Variants in TRIM72 observed in about 807,000 individuals in gnomAD.
TRIM72 encodes tripartite motif containing 72, also known as tripartite motif-containing protein 72.
TRIM72 carries 33 observed loss-of-function variants against 31.6 expected under a neutral mutation model. The observed-to-expected ratio is 1.04, with a 90% CI of 0.79 to 1.40. The LOEUF (loss-of-function observed/expected upper bound fraction) is 1.40. TRIM72 is among the 40% of genes most tolerant of loss of function. The pLI, the probability that TRIM72 is intolerant of heterozygous loss-of-function variation, is 0.00. For missense variants in TRIM72, 666 were observed against 682.7 expected (o/e 0.98, Z 0.27); for synonymous variants, 301 against 314.4 (o/e 0.96, Z 0.45).
chr16:31,223,125 G>A (rs1176621923), intron 6 of TRIM72, among the ~76,000 whole-genome samples, 180 bp downstream of exon 6: 3 of 152,188 alleles, frequency 2.0e-5, no homozygotes, highest in Admixed American at 6.5e-5. Context: ...GGGCCTTTGA[G>A]AGCATGGGGT....
intron 1 of TRIM72, 74 bp from the exon 2 acceptor site, chr16:31,214,658 G>C: frequency 7.2e-7 from 1 of 1,386,078 alleles, no homozygotes; most frequent in Non-Finnish European, 9.3e-7. Flanking sequence ...CCCGGCCTGG[G>C]CTAGGGCTGG....
chr16:31,214,788 G>A lies in TRIM72; in HGVS notation c.50G>A (p.Cys17Tyr). ...LLHQELSCPLCLQLFDAPVTA... is the reference protein window; with the variant it reads ...LLHQELSCPLYLQLFDAPVTA... ...CACCAGGAGCTGTCCTGCCCGCTGT[G>A]CCTGCAGCTGTTCGACGCGCCCGTG... Residue 17 changes from cysteine to tyrosine, a missense_variant, in exon 2 of 7, where the codon TGC becomes TAC. Cys to Tyr is a radical substitution (Grantham distance 194, BLOSUM62 -2). Coordinates refer to ENST00000322122, the MANE Select transcript of TRIM72 (RefSeq NM_001008274.4). 1.3e-6 allele frequency: 2 copies of A among 1,582,322 alleles called. No individual in the cohort carries two copies. Among genetic ancestry groups the A allele is most frequent in the South Asian group, 1.1e-5 (1 of 89,114 alleles).
At position 31,224,570 on chromosome 16, in the gene TRIM72, C is replaced by A. The variant is rs749928208; in HGVS notation, c.1249C>A (p.Leu417Met). ...GCGGCCCACGCGCATTGGCCTTTAC[C>A]TGAGCTTCGGCGACGGCGTCCTCTC... ...ERRPTRIGLY[L>M]SFGDGVLSFY... Residue 417 changes from leucine (L) to methionine (M), a missense_variant, in exon 7 of 7, where the codon CTG becomes ATG. Coordinates refer to ENST00000322122, the MANE Select transcript of TRIM72 (RefSeq NM_001008274.4). The A allele has an allele frequency of 1.0e-5, 16 of 1,549,588 alleles. No individual in the cohort carries two copies. In the South Asian group the frequency reaches 1.8e-4, roughly 17 times the overall value.
In TRIM72 at chr16:31,224,379, A is replaced by G. The variant is rs1207089367; in HGVS notation, c.1058A>G (p.Asp353Gly). 3 of 1,493,954 alleles carry G rather than the reference A, an allele frequency of 2.0e-6. No homozygotes were observed. The highest frequency in any genetic ancestry group is 1.8e-6 in the Non-Finnish European group (2 of 1,131,062). 92.5% of individuals were successfully genotyped at this position (1,493,954 alleles called of 1,614,324 possible). ...GEHYWEVDVG[D>G]KPRWALGVIA... ...CACTACTGGGAGGTGGATGTTGGCG[A>G]CAAGCCGCGCTGGGCGCTGGGCGTG... is the stretch of plus-strand genomic sequence containing the variant. Residue 353 changes from aspartate (D) to glycine (G), a missense_variant, in exon 7 of 7, where the codon GAC (aspartate) becomes GGC (glycine). Asp to Gly is a moderately conservative substitution (Grantham distance 94). Transcript: ENST00000322122.
Position 31,219,962 on chromosome 16 carries a change from A to G in TRIM72, c.717+443A>G, listed in dbSNP as rs1044894896. 4.0e-5 allele frequency among the ~76,000 whole-genome samples: 6 copies of G among 151,868 alleles called. No homozygotes were observed. Among genetic ancestry groups the G allele is most frequent in the African/African-American group, 1.5e-4 (6 of 41,332 alleles). On this transcript the variant is annotated intron_variant, in intron 4 of 6. Coordinates refer to ENST00000322122, the MANE Select transcript of TRIM72 (RefSeq NM_001008274.4). The surrounding 1 kb of genome is among the most constrained non-coding windows in gnomAD (Gnocchi z 4.2). ...TATTTTTCAGTAGAGACAGGGTTTC[A>G]CCGTGTTAGCCAGGATGGTCTTGAT...
chr16:31,224,596 CT>C lies in TRIM72; in HGVS notation c.1277del (p.Phe426SerfsTer58). The C allele has an allele frequency of 6.4e-7, 1 of 1,556,018 alleles. No individual in the cohort carries two copies. The highest frequency in any genetic ancestry group is 8.6e-7 in the Non-Finnish European group (1 of 1,156,364). On this transcript the variant is annotated frameshift_variant, in exon 7 of 7. Transcript: ENST00000322122. LOFTEE classifies it high-confidence loss of function. ...TGAGCTTCGGCGACGGCGTCCTCTC[CT>C]TCTACGATGCCAGCGACGCCGACGC... ...YLSFGDGVLS[F>X]YDASDADALV... is the part of the protein sequence containing the mutation.
chr16:31,222,488 T>TTTTTTC (rs2144197282), intron 5 of TRIM72, among the ~76,000 whole-genome samples: 1 of 146,306 alleles, frequency 6.8e-6, no homozygotes, highest in South Asian at 2.2e-4. Context: ...TCTTCTTTTT[T>TTTTTTC]TTTTTTTTTT....
chr16:31,216,919 T>C lies in TRIM72; in HGVS notation c.390+1791T>C, dbSNP rs865966029. On this transcript the variant is annotated intron_variant, in intron 2 of 6. Coordinates refer to ENST00000322122, the MANE Select transcript of TRIM72 (RefSeq NM_001008274.4). The surrounding 1 kb of genome is among the most constrained non-coding windows in gnomAD (Gnocchi z 6.7). ...CCCGAGCGCGCCCCGCGGGATGCGC[T>C]CAAAGCCCTCGCGCAGCGGCACCGT... 1.2e-6 allele frequency: 2 copies of C among 1,614,102 alleles called. No homozygotes were observed. The highest frequency in any genetic ancestry group is 2.7e-5 in the African/African-American group (2 of 75,082).
chr16:31,222,870 G>A lies in TRIM72; in HGVS notation c.784G>A (p.Asp262Asn), dbSNP rs764288374. 4.5e-5 allele frequency: 69 copies of A among 1,547,788 alleles called. No individual in the cohort carries two copies. Among genetic ancestry groups the A allele is most frequent in the Non-Finnish European group, 5.7e-5 (66 of 1,154,254 alleles). The change falls in exon 6 of 7, where the codon GAC becomes AAC. Residue 262 changes from aspartate (D) to asparagine (N), a missense_variant. Coordinates refer to ENST00000322122, the MANE Select transcript of TRIM72 (RefSeq NM_001008274.4). ...LAESPPPARL[D>N]IQLPIISDDF... ...AGAGTCTCCCCCACCCGCCCGTCTG[G>A]ACATCCAGCTGCCAATTATCTCAGA...
At chr16:31,222,672 C>T (rs981444474) in intron 5 of TRIM72, among the ~76,000 whole-genome samples, 155 bp from the exon 6 acceptor site, 1 of 151,892 alleles carries the variant, frequency 6.6e-6, no homozygotes, top group African/African-American at 2.4e-5. Flanking sequence ...GTACAACCAT[C>T]ACCAGTGTTT....
chr16:31,222,881 G>A lies in TRIM72; in HGVS notation c.795G>A (p.Leu265=). Residue 265 remains leucine (L), a synonymous_variant, in exon 6 of 7, where the codon CTG becomes CTA. Transcript: ENST00000322122. ...CACCCGCCCGTCTGGACATCCAGCT[G>A]CCAATTATCTCAGATGACTTCAAAT... The part of the protein sequence containing the change: ...SPPPARLDIQ[L]PIISDDFKFQ... The A allele has an allele frequency of 6.5e-7, 1 of 1,548,914 alleles. No homozygotes were observed. The highest frequency in any genetic ancestry group is 1.2e-5 in the South Asian group (1 of 82,612).
intron 2 of TRIM72, chr16:31,217,362 C>A: frequency 3.5e-6 from 1 of 283,108 alleles, no homozygotes; most frequent in Non-Finnish European, 6.7e-6. Context: ...GGCTTTGTAG[C>A]CTGGCATGGT....
At position 31,231,257 on chromosome 16, in the gene TRIM72, C is replaced by G. The variant is rs1020929514; in HGVS notation, c.*6502C>G. ...GCCAGGATGGTCTCCATCTCCTGAC[C>G]TCGTGATCCGCCCGCCTCGGCCTCC... On this transcript the variant is annotated 3_prime_UTR_variant, in exon 7 of 7. Coordinates refer to ENST00000322122, the MANE Select transcript of TRIM72 (RefSeq NM_001008274.4). 6.6e-6 allele frequency: 1 copy of G among 152,076 alleles called. No individual in the cohort carries two copies. Among genetic ancestry groups the G allele is most frequent in the Non-Finnish European group, 1.5e-5 (1 of 68,054 alleles). The allele number at this position is 152,076 out of a possible 1,614,324, so 9.4% of individuals were successfully genotyped here. A position where few individuals can be genotyped will look rare whatever the true frequency, so the allele number is the denominator to read the frequency against.
intron 6 of TRIM72, among the ~76,000 whole-genome samples, chr16:31,223,871 G>T (rs1264852276): frequency 1.3e-5 from 2 of 151,948 alleles, no homozygotes. Context: ...TTGCACCTGC[G>T]CTCCAGCCTG....
At chr16:31,222,790 C>A (rs769778312) in intron 5 of TRIM72, 37 bp from the exon 6 acceptor site, 58 of 724,960 alleles carry the variant, frequency 8.0e-5, no homozygotes, top group Non-Finnish European at 1.1e-4. Flanking sequence ...TGTCCTCCCC[C>A]CTCACACATG....
chr16:31,218,706 G>T (rs1350814593), intron 2 of TRIM72, among the ~76,000 whole-genome samples: 1 of 151,834 alleles, frequency 6.6e-6, no homozygotes, highest in East Asian at 1.9e-4. Flanking sequence ...CAGAAAATTT[G>T]CTGGGCACGG....
At position 31,227,795 on chromosome 16, in the gene TRIM72, AT is replaced by A; in HGVS notation, c.*3046del. The A allele has an allele frequency of 6.6e-6, 1 of 151,594 alleles. No homozygotes were observed. Among genetic ancestry groups the A allele is most frequent in the East Asian group, 1.9e-4 (1 of 5,142 alleles). 9.4% of individuals were successfully genotyped at this position (151,594 alleles called of 1,614,324 possible). On this transcript the variant is annotated 3_prime_UTR_variant, in exon 7 of 7. Coordinates refer to ENST00000322122, the MANE Select transcript of TRIM72 (RefSeq NM_001008274.4). ...CAGGCACCCATCACCATGCCTGACTATTTTTTATTTTTTGTATTTTGGTAGA... is the reference window on the plus strand; with the variant it reads ...CAGGCACCCATCACCATGCCTGACTATTTTTATTTTTTGTATTTTGGTAGA...
At chr16:31,217,865 G>C (rs1260199079) in intron 2 of TRIM72, among the ~76,000 whole-genome samples, 1 of 151,984 alleles carries the variant, frequency 6.6e-6, no homozygotes, top group Non-Finnish European at 1.5e-5. Flanking sequence ...CACCCGCCCT[G>C]GCCTCCCAAA....
In TRIM72 at chr16:31,219,390, T is replaced by A. The variant is rs769775802; in HGVS notation, c.588T>A (p.Arg196=). 6.2e-7 allele frequency: 1 copy of A among 1,613,960 alleles called. No individual in the cohort carries two copies. Among genetic ancestry groups the A allele is most frequent in the Non-Finnish European group, 8.5e-7 (1 of 1,179,962 alleles). ...LEGSLDREAE[R]VRGEAGVALR... ...GCTCCTTGGACCGCGAGGCAGAGCG[T>A]GTACGGGGTGAGGCAGGGGTCGCCT... Residue 196 remains arginine, a synonymous_variant, in exon 4 of 7, where the codon CGT becomes CGA. Transcript: ENST00000322122. The surrounding 1 kb of genome is among the most constrained non-coding windows in gnomAD (Gnocchi z 4.2).
Sources: gnomAD v4.1 joint callset for allele counts (sites outside exome capture counted in the v4.1 genomes callset) on GRCh38, gnomAD v4.1.1 for gene constraint, Gnocchi (gnomAD v3.1) non-coding constraint, MANE v1.5 for transcripts, NCBI Gene and HGNC (gene_info 2026-07-23, HGNC 2026-07-21) for gene names.